The following SHISA9 variants were observed in gnomAD, a reference collection of about 807,000 sequenced individuals.
The protein encoded by SHISA9 is shisa family member 9.
Under a neutral mutation model 38.0 loss-of-function variants are expected in SHISA9, and 13 were observed. That is an observed-to-expected ratio of 0.34 (90% confidence interval 0.22 to 0.54). The LOEUF is 0.54. SHISA9 is among the 20% of genes least tolerant of loss of function. SHISA9 has a pLI of 0.91. For synonymous variants in SHISA9, 275 were observed against 242.0 expected (o/e 1.14, Z -1.27); for missense variants, 538 against 575.8 (o/e 0.93, Z 0.67).
At chr16:13,325,648 G>A in the SHISA9 span, among the ~76,000 whole-genome samples, 16 of 152,196 alleles carry the variant, frequency 1.1e-4, no homozygotes, top group African/African-American at 3.9e-4. Flanking sequence ...TGCAGTCTGA[G>A]TCCAAAGCCC....
In SHISA9 at chr16:12,902,106, C is replaced by T. The variant is rs1444651086; in HGVS notation, c.42C>T (p.Thr14=). 4.0e-5 allele frequency: 60 copies of T among 1,498,772 alleles called. No individual in the cohort carries two copies. The highest frequency in any genetic ancestry group is 5.0e-5 in the Non-Finnish European group (57 of 1,132,684). 92.8% of individuals were successfully genotyped at this position (1,498,772 alleles called of 1,614,324 possible). A position where few individuals can be genotyped will look rare whatever the true frequency, so the allele number is the denominator to read the frequency against. The part of the protein sequence containing the change: ...VLRLLLGCFL[T]ELCARVCRAQ... ...GGCTGCTCCTCGGTTGCTTCCTCAC[C>T]GAGCTGTGCGCCCGCGTGTGCCGGG... is the stretch of plus-strand genomic sequence containing the variant. The change falls in exon 1 of 5, where the codon ACC becomes ACT. Residue 14 remains threonine, a synonymous_variant. Transcript: ENST00000558583.
the SHISA9 span, among the ~76,000 whole-genome samples, chr16:13,362,076 G>C: frequency 6.6e-6 from 1 of 151,986 alleles, no homozygotes; most frequent in African/African-American, 2.4e-5. Context: ...ATTAAAAATA[G>C]CTCCTGGCTG....
chr16:13,248,064 G>A, the SHISA9 span, among the ~76,000 whole-genome samples: 2 of 152,168 alleles, frequency 1.3e-5, no homozygotes, highest in African/African-American at 2.4e-5. Flanking sequence ...TACAAGTTAG[G>A]TGTCTGTTGA....
At chr16:13,267,844 C>T in the SHISA9 span, among the ~76,000 whole-genome samples, 7 of 150,574 alleles carry the variant, frequency 4.6e-5, no homozygotes, top group Admixed American at 2.0e-4. Flanking sequence ...TTGTACATTG[C>T]CTGAGAGGGG....
chr16:13,317,976 A>C, the SHISA9 span, among the ~76,000 whole-genome samples: 2 of 147,098 alleles, frequency 1.4e-5, no homozygotes. Flanking sequence ...GATCATTTCC[A>C]TAGTCATCCT....
the SHISA9 span, among the ~76,000 whole-genome samples, chr16:13,397,538 G>C: frequency 6.6e-6 from 1 of 152,134 alleles, no homozygotes; most frequent in African/African-American, 2.4e-5. Context: ...GGGTTCAAGC[G>C]ATTCTCCTGC....
chr16:13,105,800 A>C (rs1487743669), intron 2 of SHISA9, among the ~76,000 whole-genome samples: 1 of 152,142 alleles, frequency 6.6e-6, no homozygotes, highest in African/African-American at 2.4e-5. Context: ...CTTATTAAAA[A>C]CTTGGCTCTG....
At chr16:13,091,158 T>C (rs1023443090) in intron 2 of SHISA9, among the ~76,000 whole-genome samples, 3 of 152,138 alleles carry the variant, frequency 2.0e-5, no homozygotes, top group Non-Finnish European at 2.9e-5. Flanking sequence ...CGGTTTCTGC[T>C]GAGAGATCCA....
the SHISA9 span, among the ~76,000 whole-genome samples, chr16:13,422,326 A>G: frequency 6.6e-6 from 1 of 152,176 alleles, no homozygotes; most frequent in East Asian, 1.9e-4. Flanking sequence ...TACCTTCAAC[A>G]TTCAAAAGCT....
chr16:13,008,657 CCCTCCCTT>C (rs201073970), intron 2 of SHISA9, among the ~76,000 whole-genome samples: 8,569 of 84,116 alleles, frequency 0.1, 834 homozygotes, highest in East Asian at 0.24. Flanking sequence ...CTCCCTCCCT[CCCTCCCTT>C]CCTCCCTCCC....
chr16:13,013,253 G>C (rs1288950654), intron 2 of SHISA9, among the ~76,000 whole-genome samples: 1 of 152,186 alleles, frequency 6.6e-6, no homozygotes, highest in Non-Finnish European at 1.5e-5. Flanking sequence ...TCTGCAGGCT[G>C]TTTGTCCTCT....
the SHISA9 span, among the ~76,000 whole-genome samples, chr16:13,537,877 G>A: frequency 2.0e-5 from 3 of 152,206 alleles, no homozygotes; most frequent in Admixed American, 6.5e-5. Context: ...GAGGAAAAAC[G>A]CTAGAAGAAA....
the SHISA9 span, among the ~76,000 whole-genome samples, chr16:13,532,803 A>G: frequency 6.6e-6 from 1 of 150,876 alleles, no homozygotes; most frequent in East Asian, 2.0e-4. Context: ...CCAGACACTC[A>G]CTCTTTCATT....
the SHISA9 span, among the ~76,000 whole-genome samples, chr16:13,287,304 C>A: frequency 1.3e-5 from 2 of 152,200 alleles, no homozygotes; most frequent in Non-Finnish European, 2.9e-5. Flanking sequence ...CTTTGAGGCA[C>A]CGGTGGAACT....
the SHISA9 span, among the ~76,000 whole-genome samples, chr16:13,287,355 C>T: frequency 2.6e-5 from 4 of 152,006 alleles, no homozygotes; most frequent in South Asian, 2.1e-4. Flanking sequence ...CGCTTATGTG[C>T]GAATCTGAGC....
the SHISA9 span, among the ~76,000 whole-genome samples, chr16:13,314,893 A>G: frequency 6.6e-6 from 1 of 152,200 alleles, no homozygotes; most frequent in Non-Finnish European, 1.5e-5. Flanking sequence ...CTCTCTACAG[A>G]TCTGCTCTAC....
chr16:13,509,182 A>G, the SHISA9 span, among the ~76,000 whole-genome samples: 3 of 152,142 alleles, frequency 2.0e-5, no homozygotes, highest in African/African-American at 7.2e-5. Flanking sequence ...ACCTTTAAAT[A>G]GGATGCTGCA....
At chr16:13,437,202 A>C in the SHISA9 span, among the ~76,000 whole-genome samples, 1 of 152,102 alleles carries the variant, frequency 6.6e-6, no homozygotes, top group Admixed American at 6.5e-5. Context: ...TCAAGTTTTT[A>C]CTCAAAAAAA....
chr16:13,467,940 A>G, the SHISA9 span, among the ~76,000 whole-genome samples: 1 of 152,178 alleles, frequency 6.6e-6, no homozygotes, highest in South Asian at 2.1e-4. Context: ...AAATTTACCC[A>G]TTGTACATGT....
Sources: allele counts gnomAD v4.1 joint callset (sites outside exome capture counted in the v4.1 genomes callset), GRCh38; gene constraint gnomAD v4.1.1; transcripts MANE v1.5; gene names NCBI Gene and HGNC (gene_info 2026-07-23, HGNC 2026-07-21).